The following DLG2 variants were observed in gnomAD, a reference collection of about 807,000 sequenced individuals.
The protein encoded by DLG2 is disks large homolog 2.
DLG2 carries 45 observed loss-of-function variants against 132.5 expected under a neutral mutation model. The ratio of observed to expected loss-of-function variants is 0.34; its 90% CI spans 0.27 to 0.44. DLG2 has a LOEUF of 0.44. Among genes scored for constraint, DLG2 ranks in the 20% least tolerant of loss-of-function variants. The pLI, the probability that DLG2 is intolerant of heterozygous loss-of-function variation, is 1.00. For synonymous variants in DLG2, 424 were observed against 419.6 expected (o/e 1.01, Z -0.13); for missense variants, 1,045 against 1,196.9 (o/e 0.87, Z 1.87).
chr11:83,828,920 T>G (rs2053688279), intron 17 of DLG2, among the ~76,000 whole-genome samples: 1 of 152,166 alleles, frequency 6.6e-6, no homozygotes. Context: ...ATACAATACC[T>G]GGCACATAGT....
At chr11:83,741,290 G>C (rs2092486426) in intron 18 of DLG2, among the ~76,000 whole-genome samples, 1 of 152,036 alleles carries the variant, frequency 6.6e-6, no homozygotes, top group African/African-American at 2.4e-5. Context: ...CATAGTACTG[G>C]AAGTTCTAGC....
chr11:85,512,178 C>A (rs2094087864), intron 3 of DLG2, among the ~76,000 whole-genome samples: 1 of 151,986 alleles, frequency 6.6e-6, no homozygotes, highest in Non-Finnish European at 1.5e-5. Context: ...TGAAAGATTT[C>A]TGTGGAACTA....
At chr11:85,599,348 T>TTC (rs373131909) in intron 2 of DLG2, among the ~76,000 whole-genome samples, 7,680 of 147,568 alleles carry the variant, frequency 0.052, 279 homozygotes, top group African/African-American at 0.11. Context: ...ACCTCTCTCT[T>TTC]TCTCTCTCTC....
At chr11:85,361,412 C>T (rs1418573731) in intron 3 of DLG2, among the ~76,000 whole-genome samples, 1 of 152,052 alleles carries the variant, frequency 6.6e-6, no homozygotes, top group African/African-American at 2.4e-5. Context: ...GTACCCATCA[C>T]CCAATACTGA....
chr11:84,908,183 T>C (rs902866350), intron 6 of DLG2, among the ~76,000 whole-genome samples: 1 of 152,142 alleles, frequency 6.6e-6, no homozygotes, highest in African/African-American at 2.4e-5. Flanking sequence ...TTAAATTTTC[T>C]AGTAGCCACA....
chr11:83,564,323 G>A (rs929033032), intron 19 of DLG2, among the ~76,000 whole-genome samples: 27 of 152,210 alleles, frequency 1.8e-4, no homozygotes, highest in South Asian at 2.1e-4. Context: ...ACAGGAGCAC[G>A]ATACAGTGCA....
At chr11:85,556,501 T>C (rs1340644548) in intron 3 of DLG2, among the ~76,000 whole-genome samples, 1 of 151,998 alleles carries the variant, frequency 6.6e-6, no homozygotes, top group Non-Finnish European at 1.5e-5. Context: ...ATTTTGCATG[T>C]ATTCTTCTAG....
chr11:83,461,981 C>T, intron 27 of DLG2, 21 bp downstream of exon 27: 2 of 1,498,974 alleles, frequency 1.3e-6, no homozygotes, highest in Non-Finnish European at 9.3e-7. Context: ...TCTCACACTA[C>T]CAGGGTAAAA....
intron 4 of DLG2, among the ~76,000 whole-genome samples, chr11:85,171,662 T>G (rs1321991622): frequency 1.3e-5 from 2 of 152,146 alleles, no homozygotes; most frequent in Non-Finnish European, 2.9e-5. Flanking sequence ...ACCCACTGGC[T>G]TGGAATTCCA....
rs550988794 is a variant in DLG2 at position 84,763,633 on chromosome 11, C to T, written c.358-228902G>A. On this transcript the variant is annotated intron_variant, in intron 6 of 27. Transcript: ENST00000376104. ...TAAACACAAAGTGTCCCCTGACATG[C>T]CACTGCTCTCTACTTACCCCAACTT... is the stretch of plus-strand genomic sequence containing the variant. Among the ~76,000 whole-genome samples, 9 of 152,244 alleles carry T rather than the reference C, an allele frequency of 5.9e-5. No individual in the cohort carries two copies. The South Asian group carries it at 1.9e-3, about 32-fold the overall frequency.
chr11:85,614,466 C>A (rs1039267677), intron 2 of DLG2, among the ~76,000 whole-genome samples: 4 of 152,132 alleles, frequency 2.6e-5, no homozygotes, highest in Non-Finnish European at 5.9e-5. Context: ...CATGGAGAAA[C>A]CCCGTTTTTA....
intron 6 of DLG2, among the ~76,000 whole-genome samples, chr11:84,640,965 C>CA (rs372969825): frequency 0.12 from 16,382 of 138,524 alleles, 1,228 homozygotes; most frequent in African/African-American, 0.19. Context: ...AAAAAAAAAA[C>CA]AAAAAAAAAA....
chr11:83,855,962 T>C (rs775659781), intron 16 of DLG2, among the ~76,000 whole-genome samples: 28 of 152,316 alleles, frequency 1.8e-4, no homozygotes, highest in Non-Finnish European at 2.4e-4. Flanking sequence ...CTATTAGTTA[T>C]TTTTCCTGAT....
intron 8 of DLG2, among the ~76,000 whole-genome samples, chr11:84,231,024 C>T (rs2097085371): frequency 6.6e-6 from 1 of 152,114 alleles, no homozygotes; most frequent in Non-Finnish European, 1.5e-5. Flanking sequence ...TGTTACCCTG[C>T]TAAAAAATTA....
At chr11:85,291,471 T>G (rs1249606557) in intron 3 of DLG2, among the ~76,000 whole-genome samples, 1 of 152,038 alleles carries the variant, frequency 6.6e-6, no homozygotes, top group Non-Finnish European at 1.5e-5. Context: ...CAGAAACCCC[T>G]GTGGAGGTTG....
At chr11:84,487,595 T>C (rs2099154201) in intron 7 of DLG2, among the ~76,000 whole-genome samples, 1 of 152,150 alleles carries the variant, frequency 6.6e-6, no homozygotes, top group Admixed American at 6.6e-5. Flanking sequence ...AATAAAGGTA[T>C]TGTGAAAGAT....
intron 4 of DLG2, among the ~76,000 whole-genome samples, chr11:85,260,735 T>C (rs1187823245): frequency 6.6e-6 from 1 of 152,216 alleles, no homozygotes; most frequent in Non-Finnish European, 1.5e-5. Flanking sequence ...TTGAATGCCC[T>C]CACTTTTGTC....
At chr11:84,099,408 G>C in intron 9 of DLG2, among the ~76,000 whole-genome samples, 1 of 151,972 alleles carries the variant, frequency 6.6e-6, no homozygotes. Flanking sequence ...TATGAAAGAG[G>C]AAGAAAAAAG....
intron 3 of DLG2, among the ~76,000 whole-genome samples, chr11:85,483,892 C>CA (rs5793164): frequency 0.053 from 4,501 of 85,018 alleles, 229 homozygotes; most frequent in African/African-American, 0.18. Context: ...TGCAGTGAGC[C>CA]AAAAAAAAAA....
Sources: gnomAD v4.1 joint callset for allele counts (sites outside exome capture counted in the v4.1 genomes callset) on GRCh38, gnomAD v4.1.1 for gene constraint, MANE v1.5 for transcripts, NCBI Gene and HGNC (gene_info 2026-07-23, HGNC 2026-07-21) for gene names.